Variants in ABR observed in about 807,000 individuals in gnomAD.
The protein encoded by ABR is ABR activator of RhoGEF and GTPase.
In ABR, 35 loss-of-function variants were observed where a neutral mutation model predicts 107.2. The observed-to-expected ratio is 0.33, with a 90% CI of 0.25 to 0.43. The LOEUF (loss-of-function observed/expected upper bound fraction) is 0.43, where lower values mean the gene tolerates loss of function less well. Among genes scored for constraint, ABR ranks in the 20% least tolerant of loss-of-function variants. The pLI is 1.00. For missense variants in ABR, 815 were observed against 1,115.2 expected (o/e 0.73, Z 3.83); for synonymous variants, 498 against 462.0 (o/e 1.08, Z -1.00).
intron 1 of ABR, among the ~76,000 whole-genome samples, chr17:1,174,508 G>A (rs553186421): frequency 5.3e-5 from 8 of 152,316 alleles, no homozygotes; most frequent in Non-Finnish European, 8.8e-5. Context: ...CCTGGAGACA[G>A]GCTTACATCT....
intron 2 of ABR, among the ~76,000 whole-genome samples, chr17:1,108,729 G>C (rs2038430708): frequency 6.6e-6 from 1 of 152,180 alleles, no homozygotes; most frequent in South Asian, 2.1e-4. Context: ...CTGGCCTGGA[G>C]GGGGCGGCCA....
At chr17:1,040,030 CGGCT>C (rs1432209907) in intron 16 of ABR, among the ~76,000 whole-genome samples, 1 of 152,152 alleles carries the variant, frequency 6.6e-6, no homozygotes, top group African/African-American at 2.4e-5. Flanking sequence ...GCCAGGGGCC[CGGCT>C]GTGGTCAGTG....
intron 1 of ABR, among the ~76,000 whole-genome samples, chr17:1,160,508 C>T (rs1401492627): frequency 6.6e-6 from 1 of 152,204 alleles, no homozygotes; most frequent in Non-Finnish European, 1.5e-5. Context: ...AACTGAATCC[C>T]AGTGAATGTC....
intron 3 of ABR, among the ~76,000 whole-genome samples, chr17:1,095,259 C>T (rs1013007188): frequency 2.0e-5 from 3 of 152,180 alleles, no homozygotes; most frequent in African/African-American, 7.2e-5. Context: ...CTCAACTTCC[C>T]ACCCCGTCTG....
intron 14 of ABR, 99 bp downstream of exon 14, chr17:1,055,936 G>A (rs767653555): frequency 5.2e-6 from 6 of 1,148,916 alleles, no homozygotes; most frequent in Non-Finnish European, 7.8e-6. Flanking sequence ...CCAGGGGAAT[G>A]CCCCATGTCT....
At chr17:1,088,648 C>T (rs1288862437) in intron 4 of ABR, among the ~76,000 whole-genome samples, 7 of 151,624 alleles carry the variant, frequency 4.6e-5, no homozygotes, top group African/African-American at 7.3e-5. Flanking sequence ...TGGAGTGGCA[C>T]GATCTCGGCT....
chr17:1,088,560 A>C (rs2151284574), intron 4 of ABR, among the ~76,000 whole-genome samples: 1 of 151,906 alleles, frequency 6.6e-6, no homozygotes, highest in Middle Eastern at 3.4e-3. Context: ...GCCCTGTTCC[A>C]AGCACTTTTT....
At position 1,057,940 on chromosome 17, in the gene ABR, T is replaced by C. The variant is rs540411287; in HGVS notation, c.1381+30A>G. On this transcript the variant is annotated intron_variant, in intron 12 of 22. Coordinates refer to ENST00000302538, the MANE Select transcript of ABR (RefSeq NM_021962.5). ...AGGCCCATCAATGCCACGGACATCA[T>C]TGGGGAGCGTGGAAGAGGCAGGAAT... 398 of 1,584,784 alleles carry C rather than the reference T, an allele frequency of 2.5e-4. 1 individual carries two copies. The South Asian group carries it at 2.8e-3, about 11-fold the overall frequency.
chr17:1,105,919 C>G (rs1420104129), intron 2 of ABR, among the ~76,000 whole-genome samples: 1 of 152,034 alleles, frequency 6.6e-6, no homozygotes, highest in East Asian at 1.9e-4. Context: ...ATCTGCATTA[C>G]AAAAGGGTTT....
rs117534004 is a variant in ABR, at chr17:1,142,442, G to A, written c.62-17075C>T. Among the ~76,000 whole-genome samples, 692 of 152,116 alleles carry A rather than the reference G, an allele frequency of 4.5e-3. 38 individuals carry two copies. The East Asian group carries it at 0.11, about 24-fold the overall frequency. On this transcript the variant is annotated intron_variant, in intron 1 of 22. Transcript: ENST00000302538. ...TCTACTAAAAATATAAAAATTAGCC[G>A]GGTATGGTGACAGATGTCTGTAATC...
At chr17:1,079,693 G>A (rs1034792538) in intron 5 of ABR, among the ~76,000 whole-genome samples, 4 of 149,618 alleles carry the variant, frequency 2.7e-5, no homozygotes, top group Non-Finnish European at 5.9e-5. Context: ...GGAGGCTGGG[G>A]CAGGAGAATC....
intron 6 of ABR, among the ~76,000 whole-genome samples, chr17:1,077,460 C>A (rs1284285627): frequency 6.6e-6 from 1 of 152,126 alleles, no homozygotes; most frequent in Non-Finnish European, 1.5e-5. Context: ...CTAGGCCAGA[C>A]CAAAAAGACC....
intron 1 of ABR, chr17:1,228,747 G>C (rs1032172115): frequency 1.4e-4 from 21 of 152,028 alleles, no homozygotes; most frequent in African/African-American, 5.1e-4. Context: ...AGCCCGGGGT[G>C]GGGGGCGCGC....
chr17:1,097,717 C>A (rs1183025241), intron 3 of ABR, among the ~76,000 whole-genome samples: 4 of 152,148 alleles, frequency 2.6e-5, no homozygotes, highest in Admixed American at 2.0e-4. Flanking sequence ...AGCTCATTCA[C>A]CTGCTGAAAG....
chr17:1,151,565 C>T (rs1171933011), intron 1 of ABR, among the ~76,000 whole-genome samples: 3 of 152,172 alleles, frequency 2.0e-5, no homozygotes, highest in Non-Finnish European at 2.9e-5. Flanking sequence ...TTCTTCCCTG[C>T]GGAGAGATTG....
chr17:1,130,627 T>G (rs1445200127), intron 1 of ABR, among the ~76,000 whole-genome samples: 1 of 152,322 alleles, frequency 6.6e-6, no homozygotes, highest in East Asian at 1.9e-4. Context: ...ATGTCCAGAT[T>G]CTAATTCCTG....
At chr17:1,161,683 T>C (rs1183047490) in intron 1 of ABR, among the ~76,000 whole-genome samples, 1 of 152,036 alleles carries the variant, frequency 6.6e-6, no homozygotes, top group Non-Finnish European at 1.5e-5. Flanking sequence ...ACTTCTCTAG[T>C]AGCTAGGATT....
chr17:1,123,694 G>A (rs984034275), intron 2 of ABR, among the ~76,000 whole-genome samples: 23 of 152,114 alleles, frequency 1.5e-4, no homozygotes, highest in African/African-American at 4.8e-4. Context: ...GAGTCCCCCC[G>A]GGCGGGGCTC....
chr17:1,196,964 G>A (rs1486979374), intron 1 of ABR, among the ~76,000 whole-genome samples: 1 of 151,772 alleles, frequency 6.6e-6, no homozygotes, highest in Non-Finnish European at 1.5e-5. Context: ...AAAGTGCTGG[G>A]ATGACAGGCG....
Sources: gnomAD v4.1 joint callset for allele counts (sites outside exome capture counted in the v4.1 genomes callset) on GRCh38, gnomAD v4.1.1 for gene constraint, MANE v1.5 for transcripts, NCBI Gene and HGNC (gene_info 2026-07-23, HGNC 2026-07-21) for gene names.